The following CSMD1 variants were observed in gnomAD, a reference collection of about 807,000 sequenced individuals.
CSMD1 encodes the protein CUB and Sushi multiple domains 1.
In CSMD1, 213 loss-of-function variants were observed where a neutral mutation model predicts 417.5. That is an observed-to-expected ratio of 0.51 (90% CI 0.46 to 0.57). CSMD1 has a LOEUF of 0.57. Ranked by LOEUF, CSMD1 falls within the 20% of genes least tolerant of loss-of-function variation. CSMD1 has a pLI of 0.00. For missense variants in CSMD1, 6,923 were observed against 4,529.7 expected, an observed-to-expected ratio of 1.53 and a Z score of -15.17; for synonymous variants, 2,862 against 1,736.8, an observed-to-expected ratio of 1.65 and a Z score of -16.11.
At chr8:4,765,994 G>C (rs1051028626) in intron 1 of CSMD1, among the ~76,000 whole-genome samples, 1 of 152,132 alleles carries the variant, frequency 6.6e-6, no homozygotes, top group Admixed American at 6.5e-5. Context: ...GTATTACATA[G>C]TTTGGCATTC....
intron 1 of CSMD1, among the ~76,000 whole-genome samples, chr8:4,753,670 G>T (rs563036226): frequency 3.9e-5 from 6 of 152,006 alleles, no homozygotes; most frequent in African/African-American, 4.8e-5. Flanking sequence ...TTCTTCTCAG[G>T]TTCCCTGGTG....
chr8:3,430,656 A>T (rs1179257714), intron 12 of CSMD1, among the ~76,000 whole-genome samples: 2 of 152,070 alleles, frequency 1.3e-5, no homozygotes, highest in Non-Finnish European at 2.9e-5. Flanking sequence ...AAAATACAAA[A>T]AGTAGCCAGG....
rs184655364 is a variant in CSMD1 at position 3,043,485 on chromosome 8, T to C, written c.7660+8977A>G. Reference sequence around the variant, plus strand: ...AGTATCAAGCTAGTATTGCTCTGGTTTGCTTTCCCTTTTTTATGATGTATA... The same window carrying C: ...AGTATCAAGCTAGTATTGCTCTGGTCTGCTTTCCCTTTTTTATGATGTATA... On this transcript the variant is annotated intron_variant, in intron 50 of 69. Coordinates refer to ENST00000635120, the MANE Select transcript of CSMD1 (RefSeq NM_033225.6). Among the ~76,000 whole-genome samples, 14 of 152,212 alleles carry C rather than the reference T, an allele frequency of 9.2e-5. No individual in the cohort carries two copies. In the East Asian group the frequency reaches 2.5e-3, roughly 27 times the overall value.
At chr8:3,136,340 C>A (rs1487499751) in intron 41 of CSMD1, among the ~76,000 whole-genome samples, 2 of 151,316 alleles carry the variant, frequency 1.3e-5, no homozygotes, top group Non-Finnish European at 2.9e-5. Context: ...CACTACAAAC[C>A]CCGGTCTCTG....
At chr8:4,174,810 A>G (rs113160881) in intron 3 of CSMD1, among the ~76,000 whole-genome samples, 18 of 103,268 alleles carry the variant, frequency 1.7e-4, no homozygotes, top group African/African-American at 6.7e-4. Flanking sequence ...AGAGATTCAG[A>G]TTAGTTTGTG....
At chr8:3,396,513 C>G in intron 16 of CSMD1, 132 bp from the exon 17 acceptor site, 1 of 626,280 alleles carries the variant, frequency 1.6e-6, no homozygotes, top group East Asian at 2.9e-5. Flanking sequence ...ATTACATATG[C>G]TTAAAACTTG....
At chr8:3,146,528 C>G (rs1359959810) in intron 40 of CSMD1, among the ~76,000 whole-genome samples, 1 of 152,144 alleles carries the variant, frequency 6.6e-6, no homozygotes, top group African/African-American at 2.4e-5. Flanking sequence ...ATTTGAGTAT[C>G]TTGTGCAATC....
intron 1 of CSMD1, among the ~76,000 whole-genome samples, chr8:4,677,391 G>C (rs183953394): frequency 6.6e-6 from 1 of 151,948 alleles, no homozygotes; most frequent in East Asian, 1.9e-4. Flanking sequence ...TTCAACATAA[G>C]GCATTTGAAT....
intron 3 of CSMD1, among the ~76,000 whole-genome samples, chr8:4,360,282 C>T (rs1801675894): frequency 6.6e-6 from 1 of 152,158 alleles, no homozygotes; most frequent in Non-Finnish European, 1.5e-5. Flanking sequence ...TTTGCTTTTA[C>T]TTAATAGTGG....
chr8:4,710,764 G>A (rs936782639), intron 1 of CSMD1, among the ~76,000 whole-genome samples: 2 of 151,726 alleles, frequency 1.3e-5, no homozygotes, highest in Non-Finnish European at 2.9e-5. Flanking sequence ...TAAAATGCTT[G>A]AACCCGGGAG....
intron 1 of CSMD1, among the ~76,000 whole-genome samples, chr8:4,820,593 C>G (rs1334899582): frequency 2.6e-5 from 4 of 152,078 alleles, no homozygotes; most frequent in Non-Finnish European, 5.9e-5. Flanking sequence ...TGAAAACAAA[C>G]GGGATAGCTT....
At chr8:3,224,189 T>C (rs141371371) in intron 27 of CSMD1, among the ~76,000 whole-genome samples, 143 of 152,350 alleles carry the variant, frequency 9.4e-4, no homozygotes, top group African/African-American at 3.4e-3. Flanking sequence ...TTAATCCCCA[T>C]ACCTGCCAAC....
At chr8:4,264,388 G>C (rs984040531) in intron 3 of CSMD1, among the ~76,000 whole-genome samples, 3 of 152,122 alleles carry the variant, frequency 2.0e-5, no homozygotes, top group African/African-American at 7.2e-5. Flanking sequence ...GATAATACAA[G>C]AAACATCCAC....
intron 5 of CSMD1, among the ~76,000 whole-genome samples, chr8:3,912,034 G>A (rs1400218323): frequency 2.0e-5 from 3 of 152,166 alleles, no homozygotes; most frequent in African/African-American, 7.2e-5. Flanking sequence ...CACATATGGA[G>A]TATATTTTCT....
At chr8:4,291,939 C>G (rs1435149525) in intron 3 of CSMD1, among the ~76,000 whole-genome samples, 1 of 152,160 alleles carries the variant, frequency 6.6e-6, no homozygotes, top group African/African-American at 2.4e-5. Context: ...TGTGAAAAAG[C>G]AGGCAGGGAG....
chr8:4,514,164 T>C (rs1420841643), intron 2 of CSMD1, among the ~76,000 whole-genome samples: 1 of 152,182 alleles, frequency 6.6e-6, no homozygotes, highest in Non-Finnish European at 1.5e-5. Flanking sequence ...GCTCTCTTCC[T>C]GGCTTGCAAA....
chr8:3,294,910 G>A (rs1031133129), intron 25 of CSMD1, among the ~76,000 whole-genome samples: 15 of 152,116 alleles, frequency 9.9e-5, no homozygotes, highest in Admixed American at 2.6e-4. Flanking sequence ...CGTCTTCTGC[G>A]TCATTCATGC....
chr8:4,019,758 T>A (rs1052248295), intron 4 of CSMD1, among the ~76,000 whole-genome samples: 1 of 152,078 alleles, frequency 6.6e-6, no homozygotes, highest in African/African-American at 2.4e-5. Context: ...TTTCCCAATA[T>A]TTCTGTCCAA....
intron 49 of CSMD1, among the ~76,000 whole-genome samples, chr8:3,073,413 T>C (rs899486831): frequency 1.3e-5 from 2 of 152,156 alleles, no homozygotes; most frequent in African/African-American, 4.8e-5. Context: ...TGGGTAGCCA[T>C]CTGAGAGGGT....
Sources: gnomAD v4.1 joint callset for allele counts (sites outside exome capture counted in the v4.1 genomes callset) on GRCh38, gnomAD v4.1.1 for gene constraint, MANE v1.5 for transcripts, NCBI Gene and HGNC (gene_info 2026-07-23, HGNC 2026-07-21) for gene names.